ZC3H3: variants seen among roughly 807,000 people sequenced by gnomAD.
ZC3H3 encodes the protein zinc finger CCCH-type containing 3, also known as zinc finger CCCH domain-containing protein 3.
In ZC3H3, 36 loss-of-function variants were observed where a neutral mutation model predicts 77.3. The ratio of observed to expected loss-of-function variants is 0.47; its 90% confidence interval spans 0.36 to 0.61. The LOEUF is 0.61. Among genes scored for constraint, ZC3H3 ranks in the 20% least tolerant of loss-of-function variants. ZC3H3 has a pLI of 0.00. For synonymous variants in ZC3H3, 626 were observed against 555.2 expected (o/e 1.13, Z -1.79); for missense variants, 1,331 against 1,312.2 (o/e 1.01, Z -0.22).
At chr8:143,484,051 T>C (rs947201824) in intron 4 of ZC3H3, among the ~76,000 whole-genome samples, 8 of 152,160 alleles carry the variant, frequency 5.3e-5, no homozygotes, top group Non-Finnish European at 8.8e-5. Context: ...AGGGGCGCCA[T>C]GAGGGGAAAG....
chr8:143,470,769 A>G (rs1209449451), intron 5 of ZC3H3, among the ~76,000 whole-genome samples: 4 of 152,258 alleles, frequency 2.6e-5, no homozygotes, highest in African/African-American at 7.2e-5. Flanking sequence ...AACAGGAGGC[A>G]CTTTTTCAAA....
chr8:143,473,496 C>A (rs1820637892), intron 5 of ZC3H3, among the ~76,000 whole-genome samples: 1 of 152,220 alleles, frequency 6.6e-6, no homozygotes, highest in Admixed American at 6.5e-5. Context: ...ACCCTCCCAC[C>A]CAGGCAGGCA....
At chr8:143,471,543 G>T (rs1247431477) in intron 5 of ZC3H3, among the ~76,000 whole-genome samples, 1 of 152,258 alleles carries the variant, frequency 6.6e-6, no homozygotes, top group African/African-American at 2.4e-5. Flanking sequence ...CACCACAGGA[G>T]CCATCAGGCT....
rs568048313 is a variant in ZC3H3 at position 143,494,997 on chromosome 8, G to A, written c.1715+12749C>T. Among the ~76,000 whole-genome samples, 1 of 152,070 alleles carries A rather than the reference G, an allele frequency of 6.6e-6. No homozygotes were observed. The highest frequency in any genetic ancestry group is 1.5e-5 in the Non-Finnish European group (1 of 68,032). On this transcript the variant is annotated intron_variant, in intron 4 of 11. Coordinates refer to ENST00000262577, the MANE Select transcript of ZC3H3 (RefSeq NM_015117.3). This position sits in a 1 kb window ranked among gnomAD's most constrained non-coding sequence, Gnocchi z 5.3. ...AGAAAGGCGGTAACACCACGTCTGA[G>A]GGGAACAGAAAGGGTCGCGGCACGC...
chr8:143,485,025 A>T, intron 4 of ZC3H3: 1 of 287,956 alleles, frequency 3.5e-6, no homozygotes, highest in Non-Finnish European at 7.1e-6. Context: ...TGAAGCAAAG[A>T]TGTGTGAAAA....
At chr8:143,540,946 ACT>A (rs1563893277) in intron 1 of ZC3H3, among the ~76,000 whole-genome samples, 1 of 151,470 alleles carries the variant, frequency 6.6e-6, no homozygotes, top group East Asian at 1.9e-4. Flanking sequence ...ACAGAGCAAG[ACT>A]CTGTCTCAAA....
At chr8:143,536,983 C>T (rs2130517503) in intron 2 of ZC3H3, among the ~76,000 whole-genome samples, 2 of 151,896 alleles carry the variant, frequency 1.3e-5, no homozygotes, top group South Asian at 4.2e-4. Context: ...TGCCCATGCG[C>T]CTCAACACGG....
intron 3 of ZC3H3, among the ~76,000 whole-genome samples, chr8:143,535,967 C>T (rs1005307340): frequency 3.3e-5 from 5 of 152,218 alleles, no homozygotes; most frequent in African/African-American, 9.6e-5. Flanking sequence ...GCTCAGCAGC[C>T]GCCGCCCTCT....
intron 3 of ZC3H3, among the ~76,000 whole-genome samples, chr8:143,514,924 C>T (rs1157516637): frequency 6.6e-6 from 1 of 152,362 alleles, no homozygotes; most frequent in East Asian, 1.9e-4. Context: ...CGGCTAGGCC[C>T]GGCCGCCGCA....
intron 9 of ZC3H3, among the ~76,000 whole-genome samples, chr8:143,443,518 G>A (rs1013018552): frequency 1.4e-4 from 21 of 152,228 alleles, no homozygotes; most frequent in Middle Eastern, 3.4e-3. Context: ...GTGGAACAGC[G>A]AAAACAGGGC....
At chr8:143,516,566 C>CACACACAT (rs1180889079) in intron 3 of ZC3H3, among the ~76,000 whole-genome samples, 2 of 92,828 alleles carry the variant, frequency 2.2e-5, no homozygotes, top group Admixed American at 2.4e-4. Flanking sequence ...CACACACACA[C>CACACACAT]ATACACACAC....
At chr8:143,450,260 C>A (rs1044923463) in intron 9 of ZC3H3, among the ~76,000 whole-genome samples, 1 of 152,212 alleles carries the variant, frequency 6.6e-6, no homozygotes, top group Non-Finnish European at 1.5e-5. Context: ...CAGCTCCCTG[C>A]AACCTCCACC....
rs1485189024 is a variant in ZC3H3 at position 143,465,783 on chromosome 8, C to A, written c.2241G>T (p.Val747=). 2 of 1,613,928 alleles carry A rather than the reference C, an allele frequency of 1.2e-6. No homozygotes were observed. The part of the protein sequence containing the change: ...CSNSNCPYSH[V]YVSRKAEVCS... ...AGACCTCGGCCTTGCGGGACACGTA[C>A]ACGTGGCTATAGGGACAGTTGCTGT... The change falls in exon 9 of 12, where the codon GTG becomes GTT. Residue 747 remains valine (V), a synonymous_variant. Coordinates refer to ENST00000262577, the MANE Select transcript of ZC3H3 (RefSeq NM_015117.3).
chr8:143,507,954 G>C lies in ZC3H3; in HGVS notation c.1562-55C>G, dbSNP rs1251665398. The C allele has an allele frequency of 2.0e-6, 3 of 1,489,258 alleles. No individual in the cohort carries two copies. In the African/African-American group the frequency reaches 4.2e-5, roughly 21 times the overall value. 92.3% of individuals were successfully genotyped at this position (1,489,258 alleles called of 1,614,324 possible). A position where few individuals can be genotyped will look rare whatever the true frequency, so the allele number is the denominator to read the frequency against. On this transcript the variant is annotated intron_variant, in intron 3 of 11. Coordinates refer to ENST00000262577, the MANE Select transcript of ZC3H3 (RefSeq NM_015117.3). ...GGTCAGGGAAGGCCGGCAAGGGTAG[G>C]GTCAGAGAGGCCACCCACAGTGCCA... is the stretch of plus-strand genomic sequence containing the variant.
At chr8:143,488,721 C>T (rs1821114726) in intron 4 of ZC3H3, among the ~76,000 whole-genome samples, 1 of 152,202 alleles carries the variant, frequency 6.6e-6, no homozygotes, top group Non-Finnish European at 1.5e-5. Flanking sequence ...CATGAAATCT[C>T]AAGAGACTGG....
At chr8:143,468,911 C>T (rs980120612) in intron 5 of ZC3H3, among the ~76,000 whole-genome samples, 6 of 152,188 alleles carry the variant, frequency 3.9e-5, no homozygotes. Flanking sequence ...CTCTCCAGGG[C>T]AGGGTCCGGG....
chr8:143,538,892 G>A lies in ZC3H3; in HGVS notation c.475C>T (p.Pro159Ser). ...FEETPWSDQRPREGEGEPPRG... is the reference protein window; with the variant it reads ...FEETPWSDQRSREGEGEPPRG... ...GGGGGCTCACCTTCACCTTCCCGGG[G>A]CCTTTGGTCACTCCAGGGGGTTTCC... The change falls in exon 2 of 12, where the codon CCC becomes TCC. Residue 159 changes from proline to serine, a missense_variant. Transcript: ENST00000262577. 5 of 1,612,848 alleles carry A rather than the reference G, an allele frequency of 3.1e-6. No homozygotes were observed. Among genetic ancestry groups the A allele is most frequent in the Non-Finnish European group, 4.2e-6 (5 of 1,179,938 alleles).
At chr8:143,539,880 TGGGCTA>T (rs367702217) in intron 1 of ZC3H3, among the ~76,000 whole-genome samples, 36 of 152,248 alleles carry the variant, frequency 2.4e-4, no homozygotes, top group African/African-American at 8.0e-4. Flanking sequence ...GAAACATCAA[TGGGCTA>T]GAGTCCTACT....
At chr8:143,490,447 C>G (rs914403027) in intron 4 of ZC3H3, among the ~76,000 whole-genome samples, 2 of 152,178 alleles carry the variant, frequency 1.3e-5, no homozygotes, top group Non-Finnish European at 2.9e-5. Context: ...CCAGAGACCA[C>G]CCGGGCCCAG....
Sources: allele counts gnomAD v4.1 joint callset (sites outside exome capture counted in the v4.1 genomes callset), GRCh38; gene constraint gnomAD v4.1.1; non-coding constraint Gnocchi (gnomAD v3.1); transcripts MANE v1.5; gene names NCBI Gene and HGNC (gene_info 2026-07-23, HGNC 2026-07-21).